Variants in CHRNE observed in about 807,000 individuals in gnomAD.
CHRNE encodes cholinergic receptor nicotinic epsilon subunit.
In CHRNE, 58 loss-of-function variants were observed where a neutral mutation model predicts 56.5. The observed-to-expected ratio is 1.03, with a 90% confidence interval of 0.83 to 1.28. The LOEUF (loss-of-function observed/expected upper bound fraction) is 1.28. Among genes scored for constraint, CHRNE ranks in the 50% most tolerant of loss-of-function variants. The pLI, the probability that CHRNE is intolerant of heterozygous loss-of-function variation, is 0.00. For synonymous variants in CHRNE, 385 were observed against 297.9 expected (o/e 1.29, Z -3.01); for missense variants, 793 against 688.9 (o/e 1.15, Z -1.69).
chr17:4,903,630 T>G (rs936354843), upstream of CHRNE, among the ~76,000 whole-genome samples: 3 of 152,100 alleles, frequency 2.0e-5, no homozygotes, highest in African/African-American at 7.2e-5. Context: ...AGATTCCATC[T>G]AGCAAAGGAG....
At chr17:4,898,946 G>T (rs926162931) in intron 11 of CHRNE, 55 bp from the exon 12 acceptor site, 1 of 1,563,668 alleles carries the variant, frequency 6.4e-7, no homozygotes. Context: ...CCAGCGGCAT[G>T]GGAGACAGTG....
Position 4,902,379 on chromosome 17 carries a change from G to A in CHRNE, c.235-53C>T. The A allele has an allele frequency of 6.2e-7, 1 of 1,613,262 alleles. No homozygotes were observed. Among genetic ancestry groups the A allele is most frequent in the South Asian group, 1.1e-5 (1 of 91,052 alleles). On this transcript the variant is annotated intron_variant, in intron 3 of 11. Coordinates refer to ENST00000649488, the MANE Select transcript of CHRNE (RefSeq NM_000080.4). The surrounding 1 kb of genome is among the most constrained non-coding windows in gnomAD (Gnocchi z 4.0). ...TGCCCTGCATCTCCCACCTGGCGCT[G>A]CCTGGGAGGGGTTTGGGGGAAAAGG...
chr17:4,905,982 C>T (rs1040388850), upstream of CHRNE, among the ~76,000 whole-genome samples: 22 of 152,306 alleles, frequency 1.4e-4, no homozygotes, highest in African/African-American at 5.1e-4. Flanking sequence ...CTGTCTCTGC[C>T]GCTCTGTCCG....
intron 8 of CHRNE, chr17:4,900,098 A>G: frequency 6.4e-7 from 1 of 1,550,738 alleles, no homozygotes; most frequent in Non-Finnish European, 8.7e-7. Context: ...GCTGGTGTTG[A>G]GAGAAGCCAC....
At chr17:4,904,011 C>A (rs1970055986), upstream of CHRNE, among the ~76,000 whole-genome samples, 1 of 152,148 alleles carries the variant, frequency 6.6e-6, no homozygotes, top group African/African-American at 2.4e-5. Flanking sequence ...GCGCATGCCA[C>A]CATGCCCGGC....
chr17:4,902,944 CTGTCTT>C lies in CHRNE; in HGVS notation c.46+68_46+73del. On this transcript the variant is annotated intron_variant, in intron 1 of 11. Transcript: ENST00000649488. The surrounding 1 kb of genome is among the most constrained non-coding windows in gnomAD (Gnocchi z 4.0). The stretch of plus-strand genomic sequence containing the variant: ...TGTGTCTAAGTCTCCATCTTGGTCT[CTGTCTT>C]TGTCTTCCCAGTCCCTTCATGTCAG... The C allele has an allele frequency of 2.5e-6, 4 of 1,603,612 alleles. No homozygotes were observed. The South Asian group carries it at 4.4e-5, about 18-fold the overall frequency.
Position 4,902,430 on chromosome 17 carries a change from A to T in CHRNE, c.234+20T>A, listed in dbSNP as rs1240336285. Reference sequence around the variant, plus strand: ...GGTGCCCTGGACAAGACCTCACACCATTCCCCAGATTTGACTCACGATTCC... The same window carrying T: ...GGTGCCCTGGACAAGACCTCACACCTTTCCCCAGATTTGACTCACGATTCC... On this transcript the variant is annotated intron_variant, in intron 3 of 11. Coordinates refer to ENST00000649488, the MANE Select transcript of CHRNE (RefSeq NM_000080.4). The surrounding 1 kb of genome is among the most constrained non-coding windows in gnomAD (Gnocchi z 4.0). The T allele has an allele frequency of 1.9e-6, 3 of 1,614,038 alleles. No homozygotes were observed. In the African/African-American group the frequency reaches 4.0e-5, roughly 22 times the overall value.
chr17:4,905,420 C>A (rs1970080028), upstream of CHRNE, among the ~76,000 whole-genome samples: 1 of 152,078 alleles, frequency 6.6e-6, no homozygotes, highest in South Asian at 2.1e-4. Flanking sequence ...AAAATATTAG[C>A]CAGGCATCAT....
chr17:4,905,867 C>CA (rs1002660849), upstream of CHRNE, among the ~76,000 whole-genome samples: 2 of 151,940 alleles, frequency 1.3e-5, no homozygotes, highest in African/African-American at 2.4e-5. Flanking sequence ...TCTCAAAAAA[C>CA]AAAAAAATGA....
rs754851323 is a variant in CHRNE, at chr17:4,898,449, C to T, written c.*287G>A. 4 of 511,180 alleles carry T rather than the reference C, an allele frequency of 7.8e-6. No homozygotes were observed. Among genetic ancestry groups the T allele is most frequent in the Non-Finnish European group, 1.1e-5 (3 of 280,784 alleles). 31.7% of individuals were successfully genotyped at this position (511,180 alleles called of 1,614,324 possible). ...TGGCAGCCACCAGAGTCCCGTGGGG[C>T]TGAGCCTTAGAAAGGCTGGGAGGTC... On this transcript the variant is annotated 3_prime_UTR_variant, in exon 12 of 12. Coordinates refer to ENST00000649488, the MANE Select transcript of CHRNE (RefSeq NM_000080.4).
intron 8 of CHRNE, chr17:4,900,142 A>T: frequency 6.5e-7 from 1 of 1,550,026 alleles, no homozygotes; most frequent in Admixed American, 2.0e-5. Flanking sequence ...CCACCTTGTT[A>T]GAGGTGGGGT....
chr17:4,903,115 G>A (rs1410048326), upstream of CHRNE: 2 of 1,598,168 alleles, frequency 1.3e-6, no homozygotes, highest in Admixed American at 1.7e-5. Context: ...CTTGGAGGGG[G>A]CATGCCAGGG....
upstream of CHRNE, among the ~76,000 whole-genome samples, chr17:4,903,771 G>A (rs955279724): frequency 6.6e-6 from 1 of 152,074 alleles, no homozygotes; most frequent in Non-Finnish European, 1.5e-5. Context: ...TGATAGTACC[G>A]TCTTCCCATC....
In CHRNE at chr17:4,901,775, T is replaced by A. The variant is rs577677158; in HGVS notation, c.501-150A>T. 8.1e-5 allele frequency: 102 copies of A among 1,264,708 alleles called. 1 individual carries two copies. The East Asian group carries it at 2.0e-3, about 25-fold the overall frequency. The allele number at this position is 1,264,708 out of a possible 1,614,324, so 78.3% of individuals were successfully genotyped here. ...GCCCGCACGCCTCTGTTCCCATCTGTACCTCCGGCCGCGCTGGAGCGTCCC... is the reference window on the plus strand; with the variant it reads ...GCCCGCACGCCTCTGTTCCCATCTGAACCTCCGGCCGCGCTGGAGCGTCCC... On this transcript the variant is annotated intron_variant, in intron 5 of 11. Coordinates refer to ENST00000649488, the MANE Select transcript of CHRNE (RefSeq NM_000080.4).
intron 8 of CHRNE, chr17:4,900,554 AG>A (rs1567638108): frequency 6.5e-7 from 1 of 1,550,352 alleles, no homozygotes; most frequent in Non-Finnish European, 8.7e-7. Flanking sequence ...CGGCGGGGCT[AG>A]GGAGGCACTG....
upstream of CHRNE, among the ~76,000 whole-genome samples, chr17:4,907,316 C>A (rs1970102512): frequency 6.6e-6 from 1 of 152,054 alleles, no homozygotes; most frequent in South Asian, 2.1e-4. Flanking sequence ...GTAATCCCTG[C>A]ACTTCGGGAG....
intron 5 of CHRNE, 103 bp from the exon 6 acceptor site, chr17:4,901,728 C>T: frequency 7.7e-7 from 1 of 1,304,366 alleles, no homozygotes; most frequent in South Asian, 1.2e-5. Context: ...CGATCCCAAG[C>T]CCACCCCTTC....
At chr17:4,900,119 G>C (rs1443109829) in intron 8 of CHRNE, 2 of 1,550,686 alleles carry the variant, frequency 1.3e-6, no homozygotes, top group South Asian at 2.4e-5. Context: ...AGCCAGCCTC[G>C]TGAGCTTCGG....
Position 4,901,562 on chromosome 17 carries a change from G to A in CHRNE, c.564C>T (p.Thr188=). The change falls in exon 6 of 12, where the codon ACC becomes ACT. Residue 188 remains threonine, a synonymous_variant. Transcript: ENST00000649488. ...CTGTGTCGATGTCGATCTTGTTGATGGTCTTGCCGTCGTTGTCTACGGCAA... is the reference window on the plus strand; with the variant it reads ...CTGTGTCGATGTCGATCTTGTTGATAGTCTTGCCGTCGTTGTCTACGGCAA... The part of the protein sequence containing the change: ...FTFAVDNDGK[T]INKIDIDTEA... 6.2e-7 allele frequency: 1 copy of A among 1,614,144 alleles called. No individual in the cohort carries two copies. Among genetic ancestry groups the A allele is most frequent in the Non-Finnish European group, 8.5e-7 (1 of 1,180,008 alleles).
Sources: allele counts gnomAD v4.1 joint callset (sites outside exome capture counted in the v4.1 genomes callset), GRCh38; gene constraint gnomAD v4.1.1; non-coding constraint Gnocchi (gnomAD v3.1); transcripts MANE v1.5; gene names NCBI Gene and HGNC (gene_info 2026-07-23, HGNC 2026-07-21).